Variants in ADGRE2 observed in about 807,000 individuals in gnomAD.
ADGRE2 encodes adhesion G protein-coupled receptor E2, also known as CD97 antigen.
A neutral mutation model predicts 100.8 loss-of-function variants in ADGRE2; 83 were observed. The ratio of observed to expected loss-of-function variants is 0.82; its 90% CI spans 0.69 to 0.99. The LOEUF (loss-of-function observed/expected upper bound fraction) is 0.99. Among genes scored for constraint, ADGRE2 ranks in the 50% least tolerant of loss-of-function variants. The probability of loss-of-function intolerance (pLI) is 0.00; values close to 1 mark genes in which losing one functional copy is unlikely to be tolerated. For synonymous variants in ADGRE2, 355 were observed against 413.0 expected (o/e 0.86, Z 1.70); for missense variants, 814 against 1,035.7 (o/e 0.79, Z 2.94).
At chr19:14,777,822 A>T (rs1218155639) in intron 1 of ADGRE2, among the ~76,000 whole-genome samples, 1 of 151,982 alleles carries the variant, frequency 6.6e-6, no homozygotes, top group African/African-American at 2.4e-5. Context: ...AAGGACATGA[A>T]CTCATCCTTT....
chr19:14,725,527 G>A, the ADGRE2 span, among the ~76,000 whole-genome samples: 201 of 152,180 alleles, frequency 1.3e-3, 2 homozygotes, highest in South Asian at 0.03. Context: ...TTCCTTCCCC[G>A]TGAGCCTGTG....
At position 14,733,589 on chromosome 19, in the gene ADGRE2, A is replaced by AC. The variant is rs1386722888; in HGVS notation, c.*2646dup. ...CCACTCTCCCTCCCATATAAGCACAACAAAAAAAACACAGAAGCAGTCCAA... is the reference window on the plus strand; with the variant it reads ...CCACTCTCCCTCCCATATAAGCACAACCAAAAAAAACACAGAAGCAGTCCAA... On this transcript the variant is annotated 3_prime_UTR_variant, in exon 21 of 21. Transcript: ENST00000315576. 7.0e-6 allele frequency: 1 copy of AC among 142,746 alleles called. No individual in the cohort carries two copies. The highest frequency in any genetic ancestry group is 2.1e-4 in the East Asian group (1 of 4,800). The allele number at this position is 142,746 out of a possible 1,614,324, so 8.8% of individuals were successfully genotyped here.
chr19:14,769,111 C>T (rs931752951), intron 5 of ADGRE2, among the ~76,000 whole-genome samples: 1 of 152,078 alleles, frequency 6.6e-6, no homozygotes, highest in Non-Finnish European at 1.5e-5. Flanking sequence ...GATACCAGGT[C>T]GGACATGGTG....
chr19:14,772,227 G>T, intron 5 of ADGRE2, 115 bp downstream of exon 5: 1 of 1,438,624 alleles, frequency 7.0e-7, no homozygotes, highest in Non-Finnish European at 9.6e-7. Flanking sequence ...TCTCATCTCA[G>T]ACTCCAGGAA....
At chr19:14,747,931 T>C (rs2043141307) in intron 16 of ADGRE2, among the ~76,000 whole-genome samples, 1 of 152,244 alleles carries the variant, frequency 6.6e-6, no homozygotes, top group Non-Finnish European at 1.5e-5. Flanking sequence ...TTCCAATTTT[T>C]GACTATTCTA....
Position 14,773,997 on chromosome 19 carries a change from C to T in ADGRE2, c.140G>A (p.Cys47Tyr), listed in dbSNP as rs373171000. 1 of 1,613,956 alleles carries T rather than the reference C, an allele frequency of 6.2e-7. No homozygotes were observed. The highest frequency in any genetic ancestry group is 8.5e-7 in the Non-Finnish European group (1 of 1,180,026). ...AGAAAAAGAGCTGAACCCTGGATTGCAGCGACAGGCGGTGGCATTGACACA... is the reference window on the plus strand; with the variant it reads ...AGAAAAAGAGCTGAACCCTGGATTGTAGCGACAGGCGGTGGCATTGACACA... ...SSCVNATACR[C>Y]NPGFSSFSEI... Residue 47 changes from cysteine (C) to tyrosine (Y), a missense_variant, in exon 4 of 21, where the codon TGC (cysteine) becomes TAC (tyrosine). Transcript: ENST00000315576.
At chr19:14,751,736 T>C in intron 15 of ADGRE2, 65 bp from the exon 16 acceptor site, 3 of 1,160,862 alleles carry the variant, frequency 2.6e-6, no homozygotes, top group Non-Finnish European at 3.8e-6. Context: ...TGGCTTCTCC[T>C]GTACCATGTT....
At chr19:14,744,989 A>G (rs1002159545) in intron 18 of ADGRE2, among the ~76,000 whole-genome samples, 1 of 152,018 alleles carries the variant, frequency 6.6e-6, no homozygotes, top group African/African-American at 2.4e-5. Flanking sequence ...TCTCAGGTTC[A>G]AACAATTCTC....
chr19:14,742,114 A>T (rs1225275086), intron 20 of ADGRE2: 6 of 398,532 alleles, frequency 1.5e-5, no homozygotes, highest in Non-Finnish European at 2.2e-5. Context: ...ATTTAAACTG[A>T]GATCATTGCT....
chr19:14,738,221 A>G (rs142703862), intron 20 of ADGRE2, among the ~76,000 whole-genome samples: 2 of 152,272 alleles, frequency 1.3e-5, no homozygotes, highest in East Asian at 1.9e-4. Context: ...AAAAAGATCT[A>G]TCTGTTTCCA....
rs992977589 is a variant in ADGRE2 at position 14,755,112 on chromosome 19, G to C, written c.1432C>G (p.Gln478Glu). 3.1e-6 allele frequency: 5 copies of C among 1,613,964 alleles called. No homozygotes were observed. Among genetic ancestry groups the C allele is most frequent in the South Asian group, 2.2e-5 (2 of 91,080 alleles). The change falls in exon 14 of 21, where the codon CAG (glutamine) becomes GAG (glutamate). Residue 478 changes from glutamine to glutamate, a missense_variant. By Grantham distance (29) the Gln-to-Glu change is conservative (BLOSUM62 2). This residue lies in a region of ADGRE2 where 569 missense variants were observed against 692.7 expected (regional missense o/e 0.82). Transcript: ENST00000315576. ...TCCCAGAAGACACAGAGCACCTTCT[G>C]TCTCGGGATCACTGACTGCAGGAAC... is the stretch of plus-strand genomic sequence containing the variant. The part of the protein sequence containing the change: ...TFSHRSVIPR[Q>E]KVLCVFWEHG...
chr19:14,740,359 C>T (rs1047091715), intron 20 of ADGRE2, among the ~76,000 whole-genome samples: 4 of 151,798 alleles, frequency 2.6e-5, no homozygotes, highest in South Asian at 2.1e-4. Context: ...TGGTGGCTCA[C>T]GCTTGTAATC....
intron 20 of ADGRE2, among the ~76,000 whole-genome samples, chr19:14,736,737 T>C (rs1202659374): frequency 6.9e-6 from 1 of 145,750 alleles, no homozygotes; most frequent in Admixed American, 6.9e-5. Flanking sequence ...TATTTAGAAA[T>C]ATAGATATTT....
chr19:14,746,367 T>C (rs1029476), intron 17 of ADGRE2, 44 bp from the exon 18 acceptor site: 296,015 of 1,018,924 alleles, frequency 0.29, 54,905 homozygotes, highest in African/African-American at 0.58. Context: ...TTTTGAAACC[T>C]GTTATCTCTT....
At chr19:14,755,620 T>G in intron 13 of ADGRE2, 34 bp downstream of exon 13, 1 of 1,591,856 alleles carries the variant, frequency 6.3e-7, no homozygotes, top group South Asian at 1.1e-5. Context: ...GGACTCAGAC[T>G]ATTCACCCAC....
At position 14,752,309 on chromosome 19, in the gene ADGRE2, T is replaced by C. The variant is rs2043323040; in HGVS notation, c.1788+20A>G. The C allele has an allele frequency of 6.2e-7, 1 of 1,613,788 alleles. No homozygotes were observed. The highest frequency in any genetic ancestry group is 1.7e-5 in the Admixed American group (1 of 59,988). ...TCCTGCGTCAAGGAAGGGAGCCCTC[T>C]GGAACACCGCTGTCAATACCTTGTG... On this transcript the variant is annotated intron_variant, in intron 15 of 20. Transcript: ENST00000315576.
rs1196289618 is a variant in ADGRE2, at chr19:14,733,324, T to C, written c.*2912A>G. 1 of 152,048 alleles carries C rather than the reference T, an allele frequency of 6.6e-6. No homozygotes were observed. The highest frequency in any genetic ancestry group is 1.5e-5 in the Non-Finnish European group (1 of 68,022). The allele number at this position is 152,048 out of a possible 1,614,324, so 9.4% of individuals were successfully genotyped here. On this transcript the variant is annotated 3_prime_UTR_variant, in exon 21 of 21. Transcript: ENST00000315576. ...TTAAGGAAATTACTTTTTTAAAAAC[T>C]ATAAGCAGCCAAAAAAAGCAGACAG...
intron 11 of ADGRE2, among the ~76,000 whole-genome samples, chr19:14,757,832 C>G (rs942213026): frequency 1.3e-5 from 2 of 152,120 alleles, no homozygotes; most frequent in Non-Finnish European, 2.9e-5. Context: ...GGGACAGAGT[C>G]TTGCTCTGTC....
rs61732001 is a variant in ADGRE2 at position 14,746,908 on chromosome 19, G to T, written c.2079C>A (p.Cys693Ter). 1 of 1,613,714 alleles carries T rather than the reference G, an allele frequency of 6.2e-7. No individual in the cohort carries two copies. The highest frequency in any genetic ancestry group is 8.5e-7 in the Non-Finnish European group (1 of 1,179,870). ...TGATGTCACTCACAGAGAAGATGGC[G>T]CAGACAGGTCCAAGGAAGCCCCATA... ...GFIWGFLGPVCAIFSVNLVLF... is the reference protein window; with the variant it reads ...GFIWGFLGPV Residue 693 changes from cysteine (C) to a stop codon, truncating the protein, a stop_gained, in exon 17 of 21, where the codon TGC (cysteine) becomes TGA (stop). Transcript: ENST00000315576. LOFTEE classifies it high-confidence loss of function.
Sources: allele counts gnomAD v4.1 joint callset (sites outside exome capture counted in the v4.1 genomes callset), GRCh38; gene constraint gnomAD v4.1.1; regional missense constraint gnomAD v4.1.1; transcripts MANE v1.5; gene names NCBI Gene and HGNC (gene_info 2026-07-23, HGNC 2026-07-21).